KIF26B: variants seen among roughly 807,000 people sequenced by gnomAD.
KIF26B encodes kinesin-like protein KIF26B.
KIF26B carries 63 observed loss-of-function variants against 151.2 expected under a neutral mutation model. The observed-to-expected ratio is 0.42, with a 90% CI of 0.34 to 0.51. The LOEUF (loss-of-function observed/expected upper bound fraction) is 0.51. Ranked by LOEUF, KIF26B falls within the 20% of genes least tolerant of loss-of-function variation. The pLI is 0.07. For synonymous variants in KIF26B, 1,357 were observed against 1,262.1 expected, an observed-to-expected ratio of 1.08 and a Z score of -1.59; for missense variants, 2,813 against 2,913.6, an observed-to-expected ratio of 0.97 and a Z score of 0.79.
At chr1:245,296,168 G>A (rs1671332778) in intron 2 of KIF26B, among the ~76,000 whole-genome samples, 1 of 116,440 alleles carries the variant, frequency 8.6e-6, no homozygotes, top group South Asian at 2.9e-4. Flanking sequence ...AACCTTTCAC[G>A]TTTTGTCTTT....
At chr1:245,676,705 C>G (rs2044360593) in intron 10 of KIF26B, among the ~76,000 whole-genome samples, 1 of 152,202 alleles carries the variant, frequency 6.6e-6, no homozygotes, top group South Asian at 2.1e-4. Context: ...AAAATCATAA[C>G]AGAGACTTGT....
intron 9 of KIF26B, among the ~76,000 whole-genome samples, chr1:245,628,598 C>G (rs188166531): frequency 6.6e-6 from 1 of 152,130 alleles, no homozygotes. Context: ...ATTGATGGAA[C>G]GTTTCTCAAA....
intron 5 of KIF26B, among the ~76,000 whole-genome samples, chr1:245,570,863 G>A (rs532499638): frequency 5.9e-5 from 9 of 152,266 alleles, no homozygotes; most frequent in South Asian, 2.1e-4. Context: ...CCAGAATGAG[G>A]ATATATTGGT....
intron 4 of KIF26B, among the ~76,000 whole-genome samples, chr1:245,496,956 C>T (rs1027233036): frequency 3.3e-5 from 5 of 151,884 alleles, no homozygotes; most frequent in African/African-American, 1.2e-4. Flanking sequence ...GAGTTCAAGA[C>T]CAGCCTGACC....
At chr1:245,169,362 T>TGTGTGTGTGTGTGTGC (rs879260509) in intron 2 of KIF26B, among the ~76,000 whole-genome samples, 25 of 151,090 alleles carry the variant, frequency 1.7e-4, no homozygotes, top group South Asian at 4.2e-4. Flanking sequence ...TGTGTGTGTG[T>TGTGTGTGTGTGTGTGC]GCGCGCAAGC....
At chr1:245,159,553 T>C (rs1668501183) in intron 2 of KIF26B, among the ~76,000 whole-genome samples, 2 of 152,248 alleles carry the variant, frequency 1.3e-5, no homozygotes, top group East Asian at 1.9e-4. Context: ...TTGATGATTA[T>C]TAATGAGCTA....
At chr1:245,411,054 T>C (rs1222447074) in intron 3 of KIF26B, among the ~76,000 whole-genome samples, 6 of 152,240 alleles carry the variant, frequency 3.9e-5, no homozygotes, top group African/African-American at 1.4e-4. Flanking sequence ...TAGTTTTTAG[T>C]ACATTTTATT....
At chr1:245,414,698 C>T (rs1467729070) in intron 3 of KIF26B, among the ~76,000 whole-genome samples, 1 of 152,206 alleles carries the variant, frequency 6.6e-6, no homozygotes, top group Non-Finnish European at 1.5e-5. Flanking sequence ...TGGAAGCTTC[C>T]GCATTTCCAA....
intron 4 of KIF26B, among the ~76,000 whole-genome samples, chr1:245,428,337 A>G (rs1006964160): frequency 1.3e-5 from 2 of 152,180 alleles, no homozygotes; most frequent in Non-Finnish European, 2.9e-5. Flanking sequence ...AAACATTAAG[A>G]AGCAACCAAG....
chr1:245,244,791 C>CACACAG lies in KIF26B; in HGVS notation c.465+88109_465+88110insCACAGA, dbSNP rs1363032461. ...ACACACACACACACACACACACACA[C>CACACAG]AGAACTGCTTTGGACTTGGATACTT... is the stretch of plus-strand genomic sequence containing the variant. On this transcript the variant is annotated intron_variant, in intron 2 of 14. Transcript: ENST00000407071. This position sits in a 1 kb window ranked among gnomAD's most constrained non-coding sequence, Gnocchi z 4.2. Among the ~76,000 whole-genome samples the CACACAG allele has an allele frequency of 1.3e-5, 2 of 150,756 alleles. No homozygotes were observed. Among genetic ancestry groups the CACACAG allele is most frequent in the African/African-American group, 2.5e-5 (1 of 40,574 alleles).
intron 9 of KIF26B, among the ~76,000 whole-genome samples, chr1:245,630,514 T>C (rs2043769587): frequency 6.6e-6 from 1 of 152,028 alleles, no homozygotes; most frequent in Non-Finnish European, 1.5e-5. Flanking sequence ...TTGTCACTCA[T>C]AAGCGGGAGT....
intron 5 of KIF26B, among the ~76,000 whole-genome samples, chr1:245,590,826 T>G (rs1004420317): frequency 4.6e-5 from 7 of 151,214 alleles, no homozygotes; most frequent in African/African-American, 1.7e-4. Context: ...GAGGATCACT[T>G]GAGCCTGGGA....
At chr1:245,461,836 G>A (rs990233111) in intron 4 of KIF26B, among the ~76,000 whole-genome samples, 4 of 152,132 alleles carry the variant, frequency 2.6e-5, no homozygotes, top group African/African-American at 9.7e-5. Flanking sequence ...ATTTTAGGCC[G>A]GGCATGGTGA....
chr1:245,608,568 C>T (rs190753997), intron 7 of KIF26B, among the ~76,000 whole-genome samples: 55 of 152,204 alleles, frequency 3.6e-4, no homozygotes, highest in African/African-American at 1.3e-3. Context: ...TAACTTGAGA[C>T]AGGATATAAA....
chr1:245,510,301 G>A (rs1466403727), intron 4 of KIF26B, among the ~76,000 whole-genome samples: 3 of 152,274 alleles, frequency 2.0e-5, no homozygotes, highest in South Asian at 2.1e-4. Flanking sequence ...AAAATGAAAC[G>A]TGCATGCAGA....
chr1:245,532,685 C>T (rs2103097933), intron 4 of KIF26B, among the ~76,000 whole-genome samples: 1 of 152,180 alleles, frequency 6.6e-6, no homozygotes, highest in East Asian at 1.9e-4. Flanking sequence ...ATGTTTGCCT[C>T]CTAGCAGTAA....
At chr1:245,228,819 C>T (rs1041445469) in intron 2 of KIF26B, among the ~76,000 whole-genome samples, 6 of 152,148 alleles carry the variant, frequency 3.9e-5, no homozygotes, top group African/African-American at 1.4e-4. Flanking sequence ...AGTGATGGAG[C>T]AGAGGCAGGA....
At chr1:245,305,448 T>C (rs1671517949) in intron 2 of KIF26B, among the ~76,000 whole-genome samples, 1 of 152,174 alleles carries the variant, frequency 6.6e-6, no homozygotes, top group African/African-American at 2.4e-5. Context: ...AATAGACATT[T>C]CTCCAAAGAA....
At chr1:245,611,740 G>A in intron 8 of KIF26B, 53 bp from the exon 9 acceptor site, 2 of 1,565,944 alleles carry the variant, frequency 1.3e-6, no homozygotes, top group Non-Finnish European at 1.7e-6. Flanking sequence ...AGGCATGAGT[G>A]ACAGCAAGCC....
Sources: allele counts gnomAD v4.1 joint callset (sites outside exome capture counted in the v4.1 genomes callset), GRCh38; gene constraint gnomAD v4.1.1; non-coding constraint Gnocchi (gnomAD v3.1); transcripts MANE v1.5; gene names NCBI Gene and HGNC (gene_info 2026-07-23, HGNC 2026-07-21).